GOLIM4: variants seen among roughly 807,000 people sequenced by gnomAD.
GOLIM4 encodes golgi integral membrane protein 4, also known as 130 kDa golgi-localized phosphoprotein.
GOLIM4 carries 71 observed loss-of-function variants against 107.4 expected under a neutral mutation model. The observed-to-expected ratio is 0.66, with a 90% CI of 0.55 to 0.81. GOLIM4 has a LOEUF of 0.81. Among genes scored for constraint, GOLIM4 ranks in the 30% least tolerant of loss-of-function variants. The probability of loss-of-function intolerance (pLI) is 0.00; values close to 1 mark genes in which losing one functional copy is unlikely to be tolerated. For missense variants in GOLIM4, 830 were observed against 826.1 expected (o/e 1.00, Z -0.06); for synonymous variants, 327 against 294.8 (o/e 1.11, Z -1.12).
At chr3:168,085,245 A>G (rs1721560751) in intron 1 of GOLIM4, among the ~76,000 whole-genome samples, 1 of 152,198 alleles carries the variant, frequency 6.6e-6, no homozygotes, top group South Asian at 2.1e-4. Flanking sequence ...ACAAAAGCGG[A>G]GGGTGTCTTA....
intron 1 of GOLIM4, among the ~76,000 whole-genome samples, chr3:168,092,009 G>T (rs1052123867): frequency 1.3e-5 from 2 of 152,156 alleles, no homozygotes; most frequent in African/African-American, 4.8e-5. Context: ...ATCACCAGGG[G>T]AGCTTTAAAG....
intron 9 of GOLIM4, among the ~76,000 whole-genome samples, chr3:168,032,023 T>TAGTA (rs1560077129): frequency 6.6e-6 from 1 of 152,188 alleles, no homozygotes; most frequent in Non-Finnish European, 1.5e-5. Context: ...TATGCTCACC[T>TAGTA]AGTAGAATAT....
intron 1 of GOLIM4, among the ~76,000 whole-genome samples, chr3:168,060,045 G>C (rs567342674): frequency 5.9e-5 from 9 of 152,224 alleles, no homozygotes; most frequent in African/African-American, 2.2e-4. Context: ...AATGGTCACA[G>C]AGCCCACTGA....
At chr3:168,043,028 C>T (rs1719105075) in intron 5 of GOLIM4, among the ~76,000 whole-genome samples, 1 of 152,078 alleles carries the variant, frequency 6.6e-6, no homozygotes, top group Admixed American at 6.6e-5. Flanking sequence ...TTGATTGTGG[C>T]AATAACTGAG....
intron 1 of GOLIM4, among the ~76,000 whole-genome samples, chr3:168,090,850 G>A (rs1721870752): frequency 6.6e-6 from 1 of 152,230 alleles, no homozygotes; most frequent in Admixed American, 6.5e-5. Context: ...AACAAGGAAT[G>A]AAATCATGTC....
At chr3:168,087,432 T>C (rs1721684392) in intron 1 of GOLIM4, among the ~76,000 whole-genome samples, 1 of 152,154 alleles carries the variant, frequency 6.6e-6, no homozygotes, top group Non-Finnish European at 1.5e-5. Flanking sequence ...CAGGAAAGCA[T>C]TGAAAGGAAA....
Position 168,043,467 on chromosome 3 carries a change from C to A in GOLIM4, c.429G>T (p.Gly143=). 1 of 1,613,114 alleles carries A rather than the reference C, an allele frequency of 6.2e-7. No homozygotes were observed. The highest frequency in any genetic ancestry group is 8.5e-7 in the Non-Finnish European group (1 of 1,179,296). ...SDLEEEHRKQ[G]EDFSRTFNDH... is the part of the protein sequence containing the mutation. ...CATTAAATGTTCTACTGAAGTCTTC[C>A]CCTTGTTTGCGATGTTCCTCTTCCA... The change falls in exon 5 of 16, where the codon GGG becomes GGT. Residue 143 remains glycine (G), a synonymous_variant. Transcript: ENST00000470487.
intron 1 of GOLIM4, among the ~76,000 whole-genome samples, chr3:168,084,176 C>T (rs1721506588): frequency 6.6e-6 from 1 of 152,084 alleles, no homozygotes; most frequent in Non-Finnish European, 1.5e-5. Flanking sequence ...CCCCCTTCAC[C>T]CTCTCTCTCC....
chr3:168,074,659 G>A (rs1350814627), intron 1 of GOLIM4, among the ~76,000 whole-genome samples: 2 of 152,104 alleles, frequency 1.3e-5, no homozygotes, highest in Non-Finnish European at 2.9e-5. Flanking sequence ...GGGCTACTAT[G>A]TGGAAGATTG....
At chr3:168,037,694 C>T (rs1297118033) in intron 7 of GOLIM4, among the ~76,000 whole-genome samples, 1 of 152,176 alleles carries the variant, frequency 6.6e-6, no homozygotes, top group Non-Finnish European at 1.5e-5. Flanking sequence ...GGACTAGAAT[C>T]TGCTCATACA....
At position 168,095,072 on chromosome 3, in the gene GOLIM4, C is replaced by T. The variant is rs766718781; in HGVS notation, c.187+27G>A. On this transcript the variant is annotated intron_variant, in intron 1 of 15. Coordinates refer to ENST00000470487, the MANE Select transcript of GOLIM4 (RefSeq NM_014498.5). The stretch of plus-strand genomic sequence containing the variant: ...GGAGGCGCGGGGCAAAGTTGGCCAC[C>T]GGCTGCGCGCGTCCCGTTAGCCGTA... 4.5e-6 allele frequency: 7 copies of T among 1,570,502 alleles called. No homozygotes were observed. The African/African-American group carries it at 8.1e-5, about 18-fold the overall frequency.
intron 1 of GOLIM4, among the ~76,000 whole-genome samples, chr3:168,081,930 G>T (rs1721389934): frequency 6.6e-6 from 1 of 152,060 alleles, no homozygotes; most frequent in Admixed American, 6.6e-5. Context: ...AATAGTCAGG[G>T]CTTAAGGGGA....
At chr3:168,017,714 T>C (rs1717451964) in intron 14 of GOLIM4, among the ~76,000 whole-genome samples, 1 of 152,224 alleles carries the variant, frequency 6.6e-6, no homozygotes, top group African/African-American at 2.4e-5. Flanking sequence ...AGAAATTTTA[T>C]GTATCTATTC....
intron 1 of GOLIM4, among the ~76,000 whole-genome samples, chr3:168,077,490 C>T (rs562578625): frequency 1.3e-5 from 2 of 152,258 alleles, no homozygotes; most frequent in South Asian, 4.1e-4. Flanking sequence ...CAGGCCCAGG[C>T]AAATCAGCCC....
intron 8 of GOLIM4, among the ~76,000 whole-genome samples, chr3:168,034,019 T>C (rs1718500839): frequency 6.6e-6 from 1 of 152,194 alleles, no homozygotes; most frequent in African/African-American, 2.4e-5. Flanking sequence ...TCTCCCAAAA[T>C]TGAAATAAAT....
chr3:168,064,453 C>A (rs1205984736), intron 1 of GOLIM4, among the ~76,000 whole-genome samples: 1 of 152,162 alleles, frequency 6.6e-6, no homozygotes, highest in East Asian at 1.9e-4. Context: ...TGGTTACATA[C>A]CAAGATAAAC....
At chr3:168,080,732 A>T (rs1174449556) in intron 1 of GOLIM4, among the ~76,000 whole-genome samples, 1 of 152,188 alleles carries the variant, frequency 6.6e-6, no homozygotes. Flanking sequence ...TGACACAGAA[A>T]TGCAGGTCCA....
intron 1 of GOLIM4, among the ~76,000 whole-genome samples, chr3:168,078,218 T>C (rs1721163803): frequency 6.6e-6 from 1 of 152,196 alleles, no homozygotes; most frequent in African/African-American, 2.4e-5. Context: ...TAGAACATTG[T>C]TATTTTAATA....
chr3:168,076,207 C>A (rs1286565648), intron 1 of GOLIM4, among the ~76,000 whole-genome samples: 2 of 152,136 alleles, frequency 1.3e-5, no homozygotes, highest in Non-Finnish European at 2.9e-5. Context: ...ATATTTTTCA[C>A]TTAATTTTTA....
Sources: allele counts gnomAD v4.1 joint callset (sites outside exome capture counted in the v4.1 genomes callset), GRCh38; gene constraint gnomAD v4.1.1; transcripts MANE v1.5; gene names NCBI Gene and HGNC (gene_info 2026-07-23, HGNC 2026-07-21).